TAF4: variants seen among roughly 807,000 people sequenced by gnomAD.
TAF4 encodes transcription initiation factor TFIID subunit 4.
Under a neutral mutation model 90.3 loss-of-function variants are expected in TAF4, and 9 were observed. The ratio of observed to expected loss-of-function variants is 0.10; its 90% CI spans 0.06 to 0.17. TAF4 has a LOEUF of 0.17. Among genes scored for constraint, TAF4 ranks in the 10% least tolerant of loss-of-function variants. The probability of loss-of-function intolerance (pLI) is 1.00; values close to 1 mark genes in which losing one functional copy is unlikely to be tolerated. For missense variants in TAF4, 1,351 were observed against 1,370.7 expected (o/e 0.99, Z 0.23); for synonymous variants, 818 against 638.9 (o/e 1.28, Z -4.23).
chr20:62,031,547 T>C (rs546200527), intron 1 of TAF4, among the ~76,000 whole-genome samples: 1 of 152,304 alleles, frequency 6.6e-6, no homozygotes, highest in East Asian at 1.9e-4. Flanking sequence ...GGGCATTCCC[T>C]TTGCCTTGAC....
At chr20:61,978,016 G>A (rs1207419207) in intron 14 of TAF4, among the ~76,000 whole-genome samples, 5 of 152,226 alleles carry the variant, frequency 3.3e-5, no homozygotes, top group Admixed American at 2.6e-4. Flanking sequence ...TAACGCAAGT[G>A]TCAGCACCAA....
chr20:61,992,248 C>T (rs1013378320), intron 14 of TAF4, among the ~76,000 whole-genome samples: 35 of 152,242 alleles, frequency 2.3e-4, no homozygotes, highest in African/African-American at 7.5e-4. Flanking sequence ...CTAAATGTTT[C>T]GACAACATAA....
chr20:61,998,912 C>G, intron 12 of TAF4, 71 bp downstream of exon 12: 2 of 1,582,906 alleles, frequency 1.3e-6, no homozygotes, highest in Non-Finnish European at 1.7e-6. Flanking sequence ...ACCCCACTGT[C>G]TCAGTGAGCT....
At position 61,995,480 on chromosome 20, in the gene TAF4, A is replaced by G. The variant is rs1327164829; in HGVS notation, c.3090+2070T>C. Among the ~76,000 whole-genome samples the G allele has an allele frequency of 5.9e-5, 9 of 152,340 alleles. No individual in the cohort carries two copies. The South Asian group carries it at 1.0e-3, about 18-fold the overall frequency. ...AGAGAAGACAGACTGAAGTCCAGGA[A>G]CACAGGCTCAAAGACCTGCAGGGCA... On this transcript the variant is annotated intron_variant, in intron 14 of 14. Coordinates refer to ENST00000252996, the MANE Select transcript of TAF4 (RefSeq NM_003185.4).
chr20:62,053,420 A>AT lies in TAF4; in HGVS notation c.1360+11030dup, dbSNP rs2056041830. Among the ~76,000 whole-genome samples the AT allele has an allele frequency of 3.9e-5, 6 of 152,222 alleles. No individual in the cohort carries two copies. In the South Asian group the frequency reaches 1.2e-3, roughly 31 times the overall value. ...TCTGGATCCGTCACTAAGCAGCTCC[A>AT]TTAAGTGCCCGGTCAGGCAGGAGCG... On this transcript the variant is annotated intron_variant, in intron 1 of 14. Coordinates refer to ENST00000252996, the MANE Select transcript of TAF4 (RefSeq NM_003185.4).
Position 62,048,306 on chromosome 20 carries a change from G to T in TAF4, c.1360+16145C>A, listed in dbSNP as rs547105905. Among the ~76,000 whole-genome samples, 3 of 152,256 alleles carry T rather than the reference G, an allele frequency of 2.0e-5. No homozygotes were observed. In the East Asian group the frequency reaches 5.8e-4, roughly 29 times the overall value. Reference sequence around the variant, plus strand: ...GCCCAGCCCTGTACTAGCTCCTCCTGGACACACCTAGGAAAGGATGGGAGT... The same window carrying T: ...GCCCAGCCCTGTACTAGCTCCTCCTTGACACACCTAGGAAAGGATGGGAGT... On this transcript the variant is annotated intron_variant, in intron 1 of 14. Coordinates refer to ENST00000252996, the MANE Select transcript of TAF4 (RefSeq NM_003185.4).
chr20:62,041,047 C>CT (rs1409416715), intron 1 of TAF4, among the ~76,000 whole-genome samples: 6 of 152,240 alleles, frequency 3.9e-5, no homozygotes, highest in South Asian at 2.1e-4. Context: ...TCCAAGTACT[C>CT]TGAGTAGGAA....
chr20:62,002,774 C>T (rs544795373), intron 9 of TAF4, among the ~76,000 whole-genome samples: 63 of 152,290 alleles, frequency 4.1e-4, no homozygotes, highest in African/African-American at 1.4e-3. Context: ...GCACTGTAAG[C>T]GTGAGCCACT....
At position 61,976,261 on chromosome 20, in the gene TAF4, G is replaced by A. The variant is rs757408374; in HGVS notation, c.3165C>T (p.Ile1055=). The change falls in exon 15 of 15, where the codon ATC becomes ATT. Residue 1055 remains isoleucine, a synonymous_variant. Transcript: ENST00000252996. Reference sequence around the variant, plus strand: ...TGAGGTCCCTGAGGTTGACCCGCGTGATTCTTTGTCGCGTGAACTGTCTGG... The same window carrying A: ...TGAGGTCCCTGAGGTTGACCCGCGTAATTCTTTGTCGCGTGAACTGTCTGG... ...GTPRQFTRQR[I]TRVNLRDLIF... 6.2e-7 allele frequency: 1 copy of A among 1,614,026 alleles called. No homozygotes were observed. Among genetic ancestry groups the A allele is most frequent in the Non-Finnish European group, 8.5e-7 (1 of 1,180,038 alleles).
In TAF4 at chr20:61,976,072, TA is replaced by T; in HGVS notation, c.*95del. 1 of 1,339,502 alleles carries T rather than the reference TA, an allele frequency of 7.5e-7. No homozygotes were observed. Among genetic ancestry groups the T allele is most frequent in the Non-Finnish European group, 1.1e-6 (1 of 947,282 alleles). 83.0% of individuals were successfully genotyped at this position (1,339,502 alleles called of 1,614,324 possible). The stretch of plus-strand genomic sequence containing the variant: ...ACAGGAATATAAAACTGTTCCATTG[TA>T]AAGAGGTGGCTGTTTTTTAAACAAT... On this transcript the variant is annotated 3_prime_UTR_variant, in exon 15 of 15. Transcript: ENST00000252996.
chr20:62,018,766 G>A (rs1449368379), intron 1 of TAF4, among the ~76,000 whole-genome samples: 1 of 152,256 alleles, frequency 6.6e-6, no homozygotes, highest in East Asian at 1.9e-4. Flanking sequence ...CTCGAGTCAG[G>A]GAGGAAGCAG....
chr20:61,976,207 T>G lies in TAF4; in HGVS notation c.3219A>C (p.Thr1073=), dbSNP rs1266854895. The part of the protein sequence containing the change: ...LIFCLENERE[T]SHSLLLYKAF... ...CTTTGTAGAGCAGCAGTGAATGGCT[T>G]GTCTCACGTTCATTTTCTAAACAAA... The change falls in exon 15 of 15, where the codon ACA becomes ACC. Residue 1073 remains threonine, a synonymous_variant. Transcript: ENST00000252996. The G allele has an allele frequency of 2.5e-6, 4 of 1,614,114 alleles. No individual in the cohort carries two copies. The South Asian group carries it at 4.4e-5, about 18-fold the overall frequency.
chr20:62,064,789 C>CCCGGCG lies in TAF4; in HGVS notation c.1016_1021dup (p.Ala339_Pro340dup), dbSNP rs1180393515. Reference sequence around the variant, plus strand: ...CCTCTTGGGCGACTCGGCCTTGACCCCCGGCGCCGGCGCCGCAGCCGCCGC... The same window carrying CCCGGCG: ...CCTCTTGGGCGACTCGGCCTTGACCCCCGGCGCCGGCGCCGGCGCCGCAGCCGCCGC... On this transcript the variant is annotated inframe_insertion, in exon 1 of 15. Transcript: ENST00000252996. 2.6e-4 allele frequency: 277 copies of CCCGGCG among 1,055,346 alleles called. No homozygotes were observed. Among genetic ancestry groups the CCCGGCG allele is most frequent in the Middle Eastern group, 4.3e-4 (1 of 2,318 alleles). 65.4% of individuals were successfully genotyped at this position (1,055,346 alleles called of 1,614,324 possible).
intron 14 of TAF4, chr20:61,981,065 G>C (rs1178729546): frequency 6.6e-6 from 1 of 152,344 alleles, no homozygotes; most frequent in Non-Finnish European, 1.5e-5. Flanking sequence ...AGGAAAGGGG[G>C]AAGTTCTGGG....
chr20:62,028,519 G>A (rs139422562), intron 1 of TAF4, among the ~76,000 whole-genome samples: 31 of 152,250 alleles, frequency 2.0e-4, no homozygotes, highest in African/African-American at 6.7e-4. Flanking sequence ...TTGTATGTGC[G>A]TACGGGGCCC....
At chr20:62,043,208 A>G (rs1183761821) in intron 1 of TAF4, among the ~76,000 whole-genome samples, 1 of 152,076 alleles carries the variant, frequency 6.6e-6, no homozygotes, top group African/African-American at 2.4e-5. Context: ...AGTTCCAGCT[A>G]TCCGGGAGCC....
At chr20:62,037,873 G>A (rs188335586) in intron 1 of TAF4, 171 of 224,076 alleles carry the variant, frequency 7.6e-4, no homozygotes, top group African/African-American at 3.6e-3. Flanking sequence ...TTTCACGAGC[G>A]TTCTTAAAGT....
At chr20:62,030,464 TAA>T (rs1249223157) in intron 1 of TAF4, among the ~76,000 whole-genome samples, 1 of 152,224 alleles carries the variant, frequency 6.6e-6, no homozygotes, top group East Asian at 1.9e-4. Flanking sequence ...ATTCAACAGT[TAA>T]TAAAGTTTAC....
chr20:61,978,477 G>A (rs535795311), intron 14 of TAF4, among the ~76,000 whole-genome samples: 1 of 143,900 alleles, frequency 6.9e-6, no homozygotes, highest in South Asian at 2.3e-4. Context: ...GGGAGGGCGC[G>A]ACACCAACCA....
Sources: gnomAD v4.1 joint callset for allele counts (sites outside exome capture counted in the v4.1 genomes callset) on GRCh38, gnomAD v4.1.1 for gene constraint, MANE v1.5 for transcripts, NCBI Gene and HGNC (gene_info 2026-07-23, HGNC 2026-07-21) for gene names.